The following LRRC37A2 variants were observed in gnomAD, a reference collection of about 807,000 sequenced individuals.
The protein encoded by LRRC37A2 is leucine-rich repeat-containing protein 37A2.
Under a neutral mutation model 68.8 loss-of-function variants are expected in LRRC37A2, and 9 were observed. The observed-to-expected ratio is 0.13, with a 90% CI of 0.08 to 0.23. LRRC37A2 has a LOEUF of 0.23. Among genes scored for constraint, LRRC37A2 ranks in the 10% least tolerant of loss-of-function variants. The pLI is 1.00. For synonymous variants in LRRC37A2, 63 were observed against 367.6 expected (o/e 0.17, Z 9.48); for missense variants, 168 against 950.4 (o/e 0.18, Z 10.82).
chr17:46,909,035 G>T, the LRRC37A2 span, among the ~76,000 whole-genome samples: 4 of 152,140 alleles, frequency 2.6e-5, no homozygotes, highest in African/African-American at 9.7e-5. Flanking sequence ...GAGGCCAAAG[G>T]TTACAATCCA....
chr17:46,907,322 G>A, the LRRC37A2 span, among the ~76,000 whole-genome samples: 38 of 152,210 alleles, frequency 2.5e-4, no homozygotes, highest in Non-Finnish European at 4.4e-4. Flanking sequence ...AAGAAGAAGC[G>A]GAAATGTCAT....
the LRRC37A2 span, among the ~76,000 whole-genome samples, chr17:46,709,653 C>A: frequency 7.2e-5 from 11 of 152,192 alleles, no homozygotes; most frequent in East Asian, 2.1e-3. Context: ...CACCACCACA[C>A]CCAGCTAATT....
the LRRC37A2 span, chr17:46,979,149 C>T: frequency 1.1e-6 from 1 of 927,182 alleles, no homozygotes; most frequent in Non-Finnish European, 1.5e-6. Flanking sequence ...AGGCTGGCTG[C>T]CTGCGCGCTC....
the LRRC37A2 span, among the ~76,000 whole-genome samples, chr17:46,968,062 G>A: frequency 6.6e-6 from 1 of 152,000 alleles, no homozygotes; most frequent in Admixed American, 6.6e-5. Context: ...CTGGGATGGG[G>A]GCCTTCTTCA....
At chr17:47,000,028 TAAAA>T in the LRRC37A2 span, among the ~76,000 whole-genome samples, 320 of 17,312 alleles carry the variant, frequency 0.018, 24 homozygotes, top group African/African-American at 0.032. Flanking sequence ...TAAAATAAAA[TAAAA>T]TAAAATAAAA....
At chr17:46,884,741 C>A in the LRRC37A2 span, among the ~76,000 whole-genome samples, 116 of 152,250 alleles carry the variant, frequency 7.6e-4, no homozygotes, top group African/African-American at 2.8e-3. Context: ...AGGGGTTAGA[C>A]CACTTGCCTG....
At chr17:46,872,921 G>C in the LRRC37A2 span, 2 of 1,028,610 alleles carry the variant, frequency 1.9e-6, no homozygotes, top group Non-Finnish European at 2.7e-6. Flanking sequence ...CAAATGAGAA[G>C]AGTCACAAGA....
At chr17:47,018,385 G>A in the LRRC37A2 span, 6 of 1,608,266 alleles carry the variant, frequency 3.7e-6, no homozygotes, top group Admixed American at 3.3e-5. Flanking sequence ...TCACCTCCAG[G>A]TCACCATCAA....
chr17:46,863,300 C>T, the LRRC37A2 span, among the ~76,000 whole-genome samples: 2 of 152,160 alleles, frequency 1.3e-5, no homozygotes, highest in African/African-American at 2.4e-5. Flanking sequence ...GCACTCCTTG[C>T]GTGGGGTTAG....
the LRRC37A2 span, chr17:46,938,645 C>T: frequency 6.2e-7 from 1 of 1,614,086 alleles, no homozygotes; most frequent in Non-Finnish European, 8.5e-7. Context: ...CTGGGCTTGT[C>T]CAACACAGTG....
the LRRC37A2 span, chr17:46,979,210 C>T: frequency 2.2e-6 from 1 of 450,604 alleles, no homozygotes; most frequent in Non-Finnish European, 3.9e-6. Context: ...CCCGGAGGAG[C>T]GAGCAACAGG....
chr17:46,774,004 G>A, the LRRC37A2 span: 1 of 1,515,872 alleles, frequency 6.6e-7, no homozygotes, highest in Non-Finnish European at 8.9e-7. Flanking sequence ...GGGGTAGGTG[G>A]AGAGGCAGAG....
chr17:46,944,295 C>G, the LRRC37A2 span, among the ~76,000 whole-genome samples: 1 of 152,234 alleles, frequency 6.6e-6, no homozygotes. Flanking sequence ...GTGGTAAGAG[C>G]GCTGAGCCCA....
At chr17:46,392,473 C>CTTT in the LRRC37A2 span, among the ~76,000 whole-genome samples, 142 of 46,362 alleles carry the variant, frequency 3.1e-3, 4 homozygotes, top group African/African-American at 0.012. Context: ...TTCTTTCTTT[C>CTTT]CTTTCTTTCT....
At chr17:46,754,545 G>A in the LRRC37A2 span, among the ~76,000 whole-genome samples, 2 of 152,076 alleles carry the variant, frequency 1.3e-5, no homozygotes, top group Non-Finnish European at 2.9e-5. Context: ...TGTTTTTAAC[G>A]ATTGTTTTCT....
chr17:46,824,788 G>A, the LRRC37A2 span, among the ~76,000 whole-genome samples: 1 of 152,180 alleles, frequency 6.6e-6, no homozygotes, highest in Admixed American at 6.5e-5. Flanking sequence ...GGCTCCCTGT[G>A]GCCCCTCAGG....
rs569654314 is a variant in LRRC37A2, at chr17:46,535,061, T to G, written c.2907-5115T>G. Among the ~76,000 whole-genome samples the G allele has an allele frequency of 9.9e-3, 1,474 of 148,388 alleles. 78 individuals carry two copies. The highest frequency in any genetic ancestry group is 0.032 in the African/African-American group (1,229 of 38,592). On this transcript the variant is annotated intron_variant, in intron 6 of 14. Transcript: ENST00000576629. ...CATCCCAGACGGGCATGCCCAGTTA[T>G]TTTCAAATTTTTTGTAGAGACAGGG...
At chr17:46,830,630 G>C in the LRRC37A2 span, 1 of 398,556 alleles carries the variant, frequency 2.5e-6, no homozygotes. Flanking sequence ...TTTTTCTCCA[G>C]AATTTAAGAA....
chr17:46,770,752 C>A, the LRRC37A2 span, among the ~76,000 whole-genome samples: 1 of 152,216 alleles, frequency 6.6e-6, no homozygotes, highest in African/African-American at 2.4e-5. Flanking sequence ...GGTTCTGTCC[C>A]AGGGTCCAGC....
Sources: gnomAD v4.1 joint callset for allele counts (sites outside exome capture counted in the v4.1 genomes callset) on GRCh38, gnomAD v4.1.1 for gene constraint, MANE v1.5 for transcripts, NCBI Gene and HGNC (gene_info 2026-07-23, HGNC 2026-07-21) for gene names.